Variants in LMBRD1 observed in about 807,000 individuals in gnomAD.
The protein encoded by LMBRD1 is lysosomal cobalamin transport escort protein LMBD1.
A neutral mutation model predicts 74.8 loss-of-function variants in LMBRD1; 64 were observed. The observed-to-expected ratio is 0.86, with a 90% CI of 0.70 to 1.05. The LOEUF is 1.05. Ranked by LOEUF, LMBRD1 falls within the 50% of genes least tolerant of loss-of-function variation. LMBRD1 has a pLI of 0.00. For missense variants in LMBRD1, 652 were observed against 645.9 expected (o/e 1.01, Z -0.10); for synonymous variants, 204 against 216.3 (o/e 0.94, Z 0.50).
chr6:69,740,518 T>C (rs1767078700), intron 6 of LMBRD1, among the ~76,000 whole-genome samples: 1 of 152,166 alleles, frequency 6.6e-6, no homozygotes, highest in Non-Finnish European at 1.5e-5. Context: ...GACAATTCAG[T>C]ATTAGTAGAT....
intron 3 of LMBRD1, among the ~76,000 whole-genome samples, chr6:69,774,991 G>GGAAGGA (rs1394719550): frequency 0.13 from 5,584 of 42,600 alleles, 1,015 homozygotes; most frequent in Middle Eastern, 0.21. Flanking sequence ...GGAAGGAAGG[G>GGAAGGA]AGGGAGGGAG....
In LMBRD1 at chr6:69,708,394, A is replaced by C. The variant is rs559018948; in HGVS notation, c.915+5251T>G. Among the ~76,000 whole-genome samples the C allele has an allele frequency of 3.9e-4, 59 of 152,328 alleles. 2 individuals are homozygous for C. Among genetic ancestry groups the C allele is most frequent in the African/African-American group, 1.2e-3 (49 of 41,592 alleles). On this transcript the variant is annotated intron_variant, in intron 9 of 15. Coordinates refer to ENST00000649934, the MANE Select transcript of LMBRD1 (RefSeq NM_018368.4). The stretch of plus-strand genomic sequence containing the variant: ...GCAGCTGCAATTTTCTGAGCTGTTT[A>C]CATCAAAAGGAACTGCACTGCATAC...
At position 69,676,540 on chromosome 6, in the gene LMBRD1, A is replaced by C. The variant is rs368164049; in HGVS notation, c.1419T>G (p.Asp473Glu). Residue 473 changes from aspartate (D) to glutamate (E), a missense_variant and splice_region_variant, in exon 15 of 16, where the codon GAT (aspartate) becomes GAG (glutamate). Asp to Glu is a conservative substitution (Grantham distance 45, BLOSUM62 2). This residue lies in a region of LMBRD1 where 598 missense variants were observed against 581.8 expected (regional missense o/e 1.03). Transcript: ENST00000649934. ...GGTATGTCCGGGTAACAGTACACTG[A>C]TCTGTGAAAGCAAATAAAAGACTAT... The part of the protein sequence containing the change: ...PKRCDADAPE[D>E]QCTVTRTYLF... The C allele has an allele frequency of 6.2e-7, 1 of 1,609,018 alleles. No individual in the cohort carries two copies. Among genetic ancestry groups the C allele is most frequent in the East Asian group, 2.2e-5 (1 of 44,756 alleles).
At chr6:69,759,502 G>A (rs1380199685) in intron 3 of LMBRD1, among the ~76,000 whole-genome samples, 1 of 151,488 alleles carries the variant, frequency 6.6e-6, no homozygotes. Context: ...GCCAATTTAG[G>A]TTTATGCTAG....
intron 1 of LMBRD1, among the ~76,000 whole-genome samples, chr6:69,792,291 T>C (rs1472520301): frequency 6.6e-6 from 1 of 152,224 alleles, no homozygotes; most frequent in Non-Finnish European, 1.5e-5. Flanking sequence ...CAGCTGGGGT[T>C]GAGATCCCAC....
chr6:69,712,666 C>T (rs1766409199), intron 9 of LMBRD1, among the ~76,000 whole-genome samples: 1 of 151,762 alleles, frequency 6.6e-6, no homozygotes, highest in Admixed American at 6.6e-5. Context: ...TGTGAGACAC[C>T]TGAAATAGGA....
chr6:69,677,851 A>G (rs543803236), intron 14 of LMBRD1, among the ~76,000 whole-genome samples: 9 of 152,310 alleles, frequency 5.9e-5, no homozygotes, highest in Admixed American at 3.9e-4. Flanking sequence ...AATAAAATGT[A>G]ACTCTCAAAG....
chr6:69,685,108 T>C (rs957808211), intron 14 of LMBRD1, among the ~76,000 whole-genome samples: 1 of 149,548 alleles, frequency 6.7e-6, no homozygotes, highest in Non-Finnish European at 1.5e-5. Context: ...ATAAATGCTA[T>C]GGGAATTCAA....
At chr6:69,702,297 AC>A (rs1766151285) in intron 9 of LMBRD1, among the ~76,000 whole-genome samples, 1 of 151,932 alleles carries the variant, frequency 6.6e-6, no homozygotes, top group African/African-American at 2.4e-5. Context: ...ACACACACAC[AC>A]ACACACACCC....
intron 2 of LMBRD1, among the ~76,000 whole-genome samples, chr6:69,786,537 T>C (rs1007485678): frequency 6.6e-6 from 1 of 151,646 alleles, no homozygotes; most frequent in Admixed American, 6.6e-5. Context: ...CCCCATCCAA[T>C]GTTACTGGCC....
intron 6 of LMBRD1, among the ~76,000 whole-genome samples, chr6:69,738,249 C>T (rs772125271): frequency 6.6e-6 from 1 of 152,014 alleles, no homozygotes; most frequent in Admixed American, 6.5e-5. Flanking sequence ...CTTTCCTTCA[C>T]GTCTTAAAAT....
chr6:69,706,439 C>T (rs1006354683), intron 9 of LMBRD1, among the ~76,000 whole-genome samples: 9 of 152,176 alleles, frequency 5.9e-5, no homozygotes, highest in Non-Finnish European at 1.3e-4. Flanking sequence ...TTTTAACGCA[C>T]TGCAATCAGA....
chr6:69,764,909 G>A (rs1302239706), intron 3 of LMBRD1, among the ~76,000 whole-genome samples: 1 of 149,684 alleles, frequency 6.7e-6, no homozygotes, highest in Admixed American at 6.7e-5. Context: ...CACCAAGATT[G>A]TATTCCTTAA....
intron 14 of LMBRD1, among the ~76,000 whole-genome samples, chr6:69,688,217 A>G (rs1334288528): frequency 6.6e-6 from 1 of 152,124 alleles, no homozygotes; most frequent in Admixed American, 6.6e-5. Flanking sequence ...GTCTGTTAAA[A>G]TTGGCTGTTC....
intron 2 of LMBRD1, among the ~76,000 whole-genome samples, chr6:69,782,372 A>C (rs969855921): frequency 6.6e-6 from 1 of 152,168 alleles, no homozygotes; most frequent in African/African-American, 2.4e-5. Context: ...CATTCAGTGA[A>C]CTACTTGTAC....
chr6:69,723,277 G>T (rs967195618), intron 7 of LMBRD1, among the ~76,000 whole-genome samples: 4 of 152,044 alleles, frequency 2.6e-5, no homozygotes, highest in African/African-American at 4.8e-5. Context: ...CAGAAAATCA[G>T]CAAAGAAACA....
At chr6:69,688,739 A>G (rs1220381550) in intron 14 of LMBRD1, among the ~76,000 whole-genome samples, 1 of 129,600 alleles carries the variant, frequency 7.7e-6, no homozygotes, top group Non-Finnish European at 1.8e-5. Flanking sequence ...AATAAAAGAT[A>G]TTTATTTAAA....
In LMBRD1 at chr6:69,676,140, C is replaced by T; in HGVS notation, c.*18G>A. ...AGATATTCAGTCAGCATTATAAAAC[C>T]TTTAAGACAGAAGGCTGTCAAGCAG... On this transcript the variant is annotated 3_prime_UTR_variant, in exon 16 of 16. Transcript: ENST00000649934. The T allele has an allele frequency of 6.3e-7, 1 of 1,584,968 alleles. No homozygotes were observed. Among genetic ancestry groups the T allele is most frequent in the South Asian group, 1.1e-5 (1 of 90,470 alleles).
intron 7 of LMBRD1, among the ~76,000 whole-genome samples, chr6:69,723,080 AAAG>A (rs376198709): frequency 1.6e-3 from 238 of 152,314 alleles, no homozygotes; most frequent in African/African-American, 4.9e-3. Context: ...ATGAAAAGAC[AAAG>A]AAGATCATTA....
Sources: allele counts gnomAD v4.1 joint callset (sites outside exome capture counted in the v4.1 genomes callset), GRCh38; gene constraint gnomAD v4.1.1; regional missense constraint gnomAD v4.1.1; transcripts MANE v1.5; gene names NCBI Gene and HGNC (gene_info 2026-07-23, HGNC 2026-07-21).